ZNF16: variants seen among roughly 807,000 people sequenced by gnomAD.
The protein encoded by ZNF16 is zinc finger protein KOX9.
Under a neutral mutation model 9.0 loss-of-function variants are expected in ZNF16, and 7 were observed. The ratio of observed to expected loss-of-function variants is 0.78; its 90% CI spans 0.44 to 1.47. The LOEUF (loss-of-function observed/expected upper bound fraction) is 1.47. Among genes scored for constraint, ZNF16 ranks in the 40% most tolerant of loss-of-function variants. ZNF16 has a pLI of 0.01. For missense variants in ZNF16, 830 were observed against 854.2 expected, an observed-to-expected ratio of 0.97 and a Z score of 0.35; for synonymous variants, 312 against 301.5, an observed-to-expected ratio of 1.03 and a Z score of -0.36.
At chr8:144,936,428 T>C (rs116375324) in intron 2 of ZNF16, among the ~76,000 whole-genome samples, 510 of 152,322 alleles carry the variant, frequency 3.3e-3, no homozygotes, top group African/African-American at 0.012. Context: ...AGTATATATC[T>C]AGGAGTAGTA....
At chr8:144,948,467 G>C (rs565393683) in intron 1 of ZNF16, 1 of 152,300 alleles carries the variant, frequency 6.6e-6, no homozygotes, top group East Asian at 1.9e-4. Flanking sequence ...CAGTTTCCTC[G>C]AGGGAAACCT....
chr8:144,938,750 A>C (rs1833738945), intron 2 of ZNF16, among the ~76,000 whole-genome samples: 1 of 152,132 alleles, frequency 6.6e-6, no homozygotes, highest in Non-Finnish European at 1.5e-5. Context: ...CTTTTTCTTG[A>C]CTAACTGCTC....
Position 144,930,947 on chromosome 8 carries a change from AGC to A in ZNF16, c.1838_1839del (p.Ser613IlefsTer20). ...CVECGKGFSQSSHLIQHQIIH... is the reference protein window; with the variant it reads ...CVECGKGFSQXSHLIQHQIIH... The stretch of plus-strand genomic sequence containing the variant: ...ATTATCTGATGCTGAATGAGGTGTG[AGC>A]TCTGGCTGAAGCCCTTACCACATTC... On this transcript the variant is annotated frameshift_variant, in exon 3 of 3. Transcript: ENST00000394909. LOFTEE classifies it high-confidence loss of function. 1 of 1,613,782 alleles carries A rather than the reference AGC, an allele frequency of 6.2e-7. No individual in the cohort carries two copies. Among genetic ancestry groups the A allele is most frequent in the Non-Finnish European group, 8.5e-7 (1 of 1,179,820 alleles).
At chr8:144,946,580 T>TACTGCTGTGGG (rs1563925610) in intron 1 of ZNF16, among the ~76,000 whole-genome samples, 2 of 128,580 alleles carry the variant, frequency 1.6e-5, no homozygotes, top group African/African-American at 6.7e-5. Context: ...TGGGCCTGTG[T>TACTGCTGTGGG]CCTGCTGTGG....
rs1377368055 is a variant in ZNF16, at chr8:144,932,092, G to A, written c.695C>T (p.Thr232Ile). 2 of 1,614,136 alleles carry A rather than the reference G, an allele frequency of 1.2e-6. No individual in the cohort carries two copies. Among genetic ancestry groups the A allele is most frequent in the Admixed American group, 3.3e-5 (2 of 60,026 alleles). ...PDLIQRQIVHTGEASFMCDDC... is the reference protein window; with the variant it reads ...PDLIQRQIVHIGEASFMCDDC... The stretch of plus-strand genomic sequence containing the variant: ...ATCACACATAAAGGAAGCCTCCCCA[G>A]TGTGGACTATTTGACGCTGAATAAG... Residue 232 changes from threonine (T) to isoleucine (I), a missense_variant, in exon 3 of 3, where the codon ACT (threonine) becomes ATT (isoleucine). By Grantham distance (89) the Thr-to-Ile change is moderately conservative (BLOSUM62 -1). Coordinates refer to ENST00000394909, the MANE Select transcript of ZNF16 (RefSeq NM_006958.3). This position sits in a 1 kb window ranked among gnomAD's most constrained non-coding sequence, Gnocchi z 5.0.
chr8:144,935,852 G>A (rs1356678553), intron 2 of ZNF16, among the ~76,000 whole-genome samples: 2 of 152,142 alleles, frequency 1.3e-5, no homozygotes, highest in Admixed American at 1.3e-4. Flanking sequence ...AAACCCCAGA[G>A]GCATCTCACA....
In ZNF16 at chr8:144,930,603, G is replaced by T; in HGVS notation, c.*135C>A. 2 of 948,626 alleles carry T rather than the reference G, an allele frequency of 2.1e-6. No individual in the cohort carries two copies. Among genetic ancestry groups the T allele is most frequent in the Non-Finnish European group, 3.1e-6 (2 of 646,914 alleles). 58.8% of individuals were successfully genotyped at this position (948,626 alleles called of 1,614,324 possible). A position where few individuals can be genotyped will look rare whatever the true frequency, so the allele number is the denominator to read the frequency against. The stretch of plus-strand genomic sequence containing the variant: ...AGGATGTTTCAAAGGAGGGTCCCAG[G>T]CTATGTGGCCACTGGATGTAGGCAG... On this transcript the variant is annotated 3_prime_UTR_variant, in exon 3 of 3. Coordinates refer to ENST00000394909, the MANE Select transcript of ZNF16 (RefSeq NM_006958.3).
intron 2 of ZNF16, among the ~76,000 whole-genome samples, chr8:144,938,264 T>C (rs1190486105): frequency 6.6e-6 from 1 of 152,258 alleles, no homozygotes; most frequent in Non-Finnish European, 1.5e-5. Context: ...TGTAACTTCA[T>C]ATGAATTTGA....
chr8:144,931,519 T>C lies in ZNF16; in HGVS notation c.1268A>G (p.His423Arg). 1 of 1,614,080 alleles carries C rather than the reference T, an allele frequency of 6.2e-7. No individual in the cohort carries two copies. The highest frequency in any genetic ancestry group is 8.5e-7 in the Non-Finnish European group (1 of 1,179,980). ...PFSRVSNLIKHHRVHTGEKPY... is the reference protein window; with the variant it reads ...PFSRVSNLIKRHRVHTGEKPY... ...CTTCTCTCCAGTGTGAACCCTGTGG[T>C]GCTTAATGAGGTTGGAGACCCGACT... Residue 423 changes from histidine (H) to arginine (R), a missense_variant, in exon 3 of 3, where the codon CAC (histidine) becomes CGC (arginine). Coordinates refer to ENST00000394909, the MANE Select transcript of ZNF16 (RefSeq NM_006958.3).
chr8:144,932,900 C>T lies in ZNF16; in HGVS notation c.197-310G>A, dbSNP rs192604662. 6.6e-6 allele frequency among the ~76,000 whole-genome samples: 1 copy of T among 152,196 alleles called. No homozygotes were observed. The highest frequency in any genetic ancestry group is 1.5e-5 in the Non-Finnish European group (1 of 68,038). On this transcript the variant is annotated intron_variant, in intron 2 of 2. Transcript: ENST00000394909. The surrounding 1 kb of genome is among the most constrained non-coding windows in gnomAD (Gnocchi z 5.0). ...CCAAAATCCTGGCTGTCCCTTGACT[C>T]CCCTCTTCCTCGACACCCACACCAA...
rs996522995 is a variant in ZNF16 at position 144,933,434 on chromosome 8, C to T, written c.197-844G>A. The stretch of plus-strand genomic sequence containing the variant: ...GCAGACAGAAATGCACACAAAGCTC[C>T]GTGTCTGCCAGAAAAGGCTTCAGCA... On this transcript the variant is annotated intron_variant, in intron 2 of 2. Transcript: ENST00000394909. This position sits in a 1 kb window ranked among gnomAD's most constrained non-coding sequence, Gnocchi z 5.6. Among the ~76,000 whole-genome samples, 17 of 152,286 alleles carry T rather than the reference C, an allele frequency of 1.1e-4. No homozygotes were observed. Among genetic ancestry groups the T allele is most frequent in the South Asian group, 4.1e-4 (2 of 4,830 alleles).
At chr8:144,934,809 A>G (rs530188831) in intron 2 of ZNF16, among the ~76,000 whole-genome samples, 1 of 152,244 alleles carries the variant, frequency 6.6e-6, no homozygotes. Flanking sequence ...TCATACATAC[A>G]TTACGGCTGT....
chr8:144,946,255 C>G (rs771905538), intron 1 of ZNF16, 40 bp from the exon 2 acceptor site: 1 of 1,450,960 alleles, frequency 6.9e-7, no homozygotes, highest in Admixed American at 2.4e-5. Flanking sequence ...TACAGACAGG[C>G]TAGCTCTAGG....
chr8:144,937,807 T>C (rs1833718252), intron 2 of ZNF16, among the ~76,000 whole-genome samples: 1 of 151,152 alleles, frequency 6.6e-6, no homozygotes, highest in Non-Finnish European at 1.5e-5. Context: ...ACCCCTGGAG[T>C]AGGCACCAAC....
chr8:144,942,071 G>A (rs1245450114), intron 2 of ZNF16, among the ~76,000 whole-genome samples: 95 of 138,672 alleles, frequency 6.9e-4, no homozygotes, highest in African/African-American at 2.4e-3. Context: ...TCCGTCTCCC[G>A]GGTTCACGCC....
intron 1 of ZNF16, among the ~76,000 whole-genome samples, chr8:144,950,245 C>T (rs565245248): frequency 2.0e-5 from 3 of 152,190 alleles, no homozygotes; most frequent in African/African-American, 7.2e-5. Context: ...TACTGCATTC[C>T]TCTTGCTGAG....
chr8:144,946,575 CTGT>C (rs1833940297), intron 1 of ZNF16, among the ~76,000 whole-genome samples: 6 of 143,192 alleles, frequency 4.2e-5, no homozygotes, highest in African/African-American at 1.1e-4. Context: ...TGCTGTGGGC[CTGT>C]GTCCTGCTGT....
intron 2 of ZNF16, among the ~76,000 whole-genome samples, chr8:144,939,934 G>C (rs1351938867): frequency 6.6e-6 from 1 of 152,102 alleles, no homozygotes; most frequent in Non-Finnish European, 1.5e-5. Flanking sequence ...AGCAACGTTT[G>C]ATTTTGTTGA....
intron 1 of ZNF16, chr8:144,948,631 T>C (rs1250710961): frequency 2.6e-5 from 4 of 152,216 alleles, no homozygotes; most frequent in African/African-American, 9.6e-5. Context: ...TCCCCAAACA[T>C]CCACACAGTT....
Sources: allele counts gnomAD v4.1 joint callset (sites outside exome capture counted in the v4.1 genomes callset), GRCh38; gene constraint gnomAD v4.1.1; non-coding constraint Gnocchi (gnomAD v3.1); transcripts MANE v1.5; gene names NCBI Gene and HGNC (gene_info 2026-07-23, HGNC 2026-07-21).